Variants in ZBTB38 observed in about 807,000 individuals in gnomAD.
ZBTB38 encodes zinc finger and BTB domain-containing protein 38.
Under a neutral mutation model 76.8 loss-of-function variants are expected in ZBTB38, and 20 were observed. That is an observed-to-expected ratio of 0.26 (90% confidence interval 0.18 to 0.38). The LOEUF (loss-of-function observed/expected upper bound fraction) is 0.38. Among genes scored for constraint, ZBTB38 ranks in the 10% least tolerant of loss-of-function variants. The pLI is 1.00. For synonymous variants in ZBTB38, 504 were observed against 544.2 expected (o/e 0.93, Z 1.03); for missense variants, 1,082 against 1,482.3 (o/e 0.73, Z 4.43).
chr3:141,351,278 G>C (rs1374117220), intron 1 of ZBTB38, among the ~76,000 whole-genome samples: 1 of 151,204 alleles, frequency 6.6e-6, no homozygotes, highest in Non-Finnish European at 1.5e-5. Context: ...TTTTATGAAT[G>C]CTCCTAATAT....
intron 1 of ZBTB38, among the ~76,000 whole-genome samples, chr3:141,360,110 G>T (rs886196444): frequency 3.3e-5 from 5 of 152,166 alleles, no homozygotes; most frequent in African/African-American, 1.2e-4. Context: ...AGACAGCATA[G>T]CCTACAGAAG....
chr3:141,394,498 T>C (rs958423262), intron 4 of ZBTB38: 2 of 152,200 alleles, frequency 1.3e-5, no homozygotes, highest in Non-Finnish European at 2.9e-5. Context: ...GTGCTTTTGG[T>C]CATCTACAAA....
At position 141,443,006 on chromosome 3, in the gene ZBTB38, G is replaced by C. The variant is rs369787879; in HGVS notation, c.618G>C (p.Thr206=). The C allele has an allele frequency of 3.1e-6, 5 of 1,614,100 alleles. No homozygotes were observed. The African/African-American group carries it at 5.3e-5, about 17-fold the overall frequency. ...CAGCTAGCCTTTGCCTGGAGAGGAC[G>C]GACGTCTGCCACGAGGCAGAGCCTG... is the stretch of plus-strand genomic sequence containing the variant. ...MRTASLCLER[T]DVCHEAEPVR... The change falls in exon 6 of 6, where the codon ACG becomes ACC. Residue 206 remains threonine, a synonymous_variant. Coordinates refer to ENST00000321464, the MANE Select transcript of ZBTB38 (RefSeq NM_001376113.1). The surrounding 1 kb of genome is among the most constrained non-coding windows in gnomAD (Gnocchi z 5.6).
chr3:141,336,864 A>G (rs1292928906), intron 1 of ZBTB38, among the ~76,000 whole-genome samples: 1 of 152,212 alleles, frequency 6.6e-6, no homozygotes, highest in Non-Finnish European at 1.5e-5. Context: ...GGCATTTCCA[A>G]ACACCTTCTG....
Position 141,447,227 on chromosome 3 carries a change from G to A in ZBTB38, c.*1251G>A, listed in dbSNP as rs2081165320. On this transcript the variant is annotated 3_prime_UTR_variant, in exon 6 of 6. Transcript: ENST00000321464. ...ACTTGAGTGGGCAAGAAGAAGTGAT[G>A]GCCTTCCTTGCCTAAAACAGTAGCT... The A allele has an allele frequency of 1.3e-5, 2 of 152,534 alleles. 1 individual carries two copies. The highest frequency in any genetic ancestry group is 4.1e-4 in the South Asian group (2 of 4,822). 9.4% of individuals were successfully genotyped at this position (152,534 alleles called of 1,614,324 possible).
chr3:141,436,170 C>T (rs2078736035), intron 5 of ZBTB38, among the ~76,000 whole-genome samples: 1 of 152,142 alleles, frequency 6.6e-6, no homozygotes, highest in Admixed American at 6.5e-5. Context: ...TTAAAGTCAA[C>T]GAATACTGTT....
At chr3:141,399,618 A>G (rs1951251917) in intron 4 of ZBTB38, among the ~76,000 whole-genome samples, 1 of 152,114 alleles carries the variant, frequency 6.6e-6, no homozygotes, top group South Asian at 2.1e-4. Flanking sequence ...AAAAAAGTAA[A>G]ACCACGAATT....
At chr3:141,394,662 C>A (rs931108835) in intron 4 of ZBTB38, among the ~76,000 whole-genome samples, 11 of 152,154 alleles carry the variant, frequency 7.2e-5, no homozygotes. Flanking sequence ...CTATCCAGCC[C>A]CTAGTCTGAG....
At chr3:141,342,978 G>A (rs145251542) in intron 1 of ZBTB38, among the ~76,000 whole-genome samples, 108 of 152,216 alleles carry the variant, frequency 7.1e-4, no homozygotes, top group African/African-American at 2.6e-3. Flanking sequence ...AATATATGGA[G>A]CTGTGTTCCA....
chr3:141,342,049 G>A (rs796457484), intron 1 of ZBTB38, among the ~76,000 whole-genome samples: 35 of 152,284 alleles, frequency 2.3e-4, no homozygotes, highest in African/African-American at 7.9e-4. Flanking sequence ...CAATGGGGCC[G>A]GGTACGGTGG....
At chr3:141,417,124 G>A (rs1156254277) in intron 5 of ZBTB38, among the ~76,000 whole-genome samples, 3 of 152,164 alleles carry the variant, frequency 2.0e-5, no homozygotes, top group South Asian at 2.1e-4. Context: ...AAATGAAATC[G>A]CAGTAAGGGT....
intron 1 of ZBTB38, among the ~76,000 whole-genome samples, chr3:141,325,805 C>T (rs564608678): frequency 6.1e-4 from 93 of 152,320 alleles, no homozygotes; most frequent in African/African-American, 2.1e-3. Flanking sequence ...TTTAAGCAGA[C>T]GATGGCTGGT....
chr3:141,449,632 G>GC lies in ZBTB38; in HGVS notation c.*3658dup, dbSNP rs781613678. 7 of 152,010 alleles carry GC rather than the reference G, an allele frequency of 4.6e-5. No individual in the cohort carries two copies. The highest frequency in any genetic ancestry group is 1.5e-5 in the Non-Finnish European group (1 of 68,010). The allele number at this position is 152,010 out of a possible 1,614,324, so 9.4% of individuals were successfully genotyped here. On this transcript the variant is annotated 3_prime_UTR_variant, in exon 6 of 6. Coordinates refer to ENST00000321464, the MANE Select transcript of ZBTB38 (RefSeq NM_001376113.1). ...TTACTGCCAGGCCTACCGGTGGCTG[G>GC]CCAGTAGCATCAATTTTGTATTGGA...
At chr3:141,401,680 TA>T (rs1182551021) in intron 4 of ZBTB38, among the ~76,000 whole-genome samples, 228 of 145,766 alleles carry the variant, frequency 1.6e-3, no homozygotes, top group African/African-American at 4.9e-3. Context: ...ATGGACGATT[TA>T]AAAAAAAAAA....
In ZBTB38 at chr3:141,444,783, G is replaced by A. The variant is rs778973242; in HGVS notation, c.2395G>A (p.Gly799Arg). Residue 799 changes from glycine (G) to arginine (R), a missense_variant, in exon 6 of 6, where the codon GGA becomes AGA. Around this residue, in one of 8 missense-constraint regions of ZBTB38, gnomAD observed 471 missense variants for 581.0 expected, o/e 0.81. Transcript: ENST00000321464. This position sits in a 1 kb window ranked among gnomAD's most constrained non-coding sequence, Gnocchi z 5.1. ...PEESNYVADP[G>R]GSLSKTTNIA... is the part of the protein sequence containing the mutation. ...GGAGTCAAACTATGTTGCTGATCCTGGAGGATCACTGAGCAAAACCACAAA... is the reference window on the plus strand; with the variant it reads ...GGAGTCAAACTATGTTGCTGATCCTAGAGGATCACTGAGCAAAACCACAAA... The A allele has an allele frequency of 6.2e-7, 1 of 1,614,098 alleles. No individual in the cohort carries two copies. The highest frequency in any genetic ancestry group is 1.1e-5 in the South Asian group (1 of 91,074).
At chr3:141,376,353 C>A (rs562825076) in intron 2 of ZBTB38, among the ~76,000 whole-genome samples, 66 of 152,312 alleles carry the variant, frequency 4.3e-4, no homozygotes, top group African/African-American at 1.6e-3. Context: ...AGGATCCTCC[C>A]AGGGCTTAGC....
intron 4 of ZBTB38, among the ~76,000 whole-genome samples, chr3:141,395,008 G>C (rs1287518308): frequency 6.6e-6 from 1 of 152,166 alleles, no homozygotes; most frequent in Non-Finnish European, 1.5e-5. Context: ...TTCTAAACCA[G>C]AGGCTGACAA....
At chr3:141,346,419 T>G (rs930022649) in intron 1 of ZBTB38, among the ~76,000 whole-genome samples, 3 of 152,204 alleles carry the variant, frequency 2.0e-5, no homozygotes, top group African/African-American at 7.2e-5. Context: ...CCACTCCTCC[T>G]TTAATTTATC....
chr3:141,331,778 C>T (rs544817425), intron 1 of ZBTB38, among the ~76,000 whole-genome samples: 5 of 152,248 alleles, frequency 3.3e-5, no homozygotes, highest in East Asian at 1.9e-4. Context: ...ATCTGAGAAG[C>T]GCTGACCGAG....
Sources: gnomAD v4.1 joint callset for allele counts (sites outside exome capture counted in the v4.1 genomes callset) on GRCh38, gnomAD v4.1.1 for gene constraint, gnomAD v4.1.1 regional missense constraint, Gnocchi (gnomAD v3.1) non-coding constraint, MANE v1.5 for transcripts, NCBI Gene and HGNC (gene_info 2026-07-23, HGNC 2026-07-21) for gene names.